CFAP221: variants seen among roughly 807,000 people sequenced by gnomAD.
CFAP221 encodes cilia- and flagella-associated protein 221.
CFAP221 carries 97 observed loss-of-function variants against 113.1 expected under a neutral mutation model. The observed-to-expected ratio is 0.86, with a 90% CI of 0.73 to 1.02. The LOEUF is 1.02. CFAP221 is among the 50% of genes least tolerant of loss of function. CFAP221 has a pLI of 0.00. For missense variants in CFAP221, 1,025 were observed against 1,013.4 expected (o/e 1.01, Z -0.16); for synonymous variants, 331 against 354.4 (o/e 0.93, Z 0.74).
intron 7 of CFAP221, among the ~76,000 whole-genome samples, chr2:119,598,596 G>A (rs1489319452): frequency 6.6e-6 from 1 of 152,182 alleles, no homozygotes; most frequent in Non-Finnish European, 1.5e-5. Flanking sequence ...AGAGCAATTT[G>A]GGGTGGGGGT....
chr2:119,546,701 A>G (rs1391725322), intron 2 of CFAP221, among the ~76,000 whole-genome samples: 2 of 152,140 alleles, frequency 1.3e-5, no homozygotes, highest in African/African-American at 4.8e-5. Flanking sequence ...TCACTGTCTG[A>G]TCTGAACCTG....
At chr2:119,558,507 A>G (rs1455768395) in intron 3 of CFAP221, among the ~76,000 whole-genome samples, 1 of 152,188 alleles carries the variant, frequency 6.6e-6, no homozygotes, top group Non-Finnish European at 1.5e-5. Context: ...TTCACATGTA[A>G]TAAATAAGAA....
intron 16 of CFAP221, 120 bp downstream of exon 16, chr2:119,627,906 A>G: frequency 1.5e-6 from 2 of 1,341,806 alleles, no homozygotes; most frequent in Middle Eastern, 2.8e-4. Flanking sequence ...CTCCAAAGGA[A>G]GATGAGGAGA....
chr2:119,560,104 A>G, intron 5 of CFAP221, 78 bp downstream of exon 5: 1 of 1,151,430 alleles, frequency 8.7e-7, no homozygotes, highest in Non-Finnish European at 1.2e-6. Context: ...TGGTGGCAGA[A>G]AGAGAGGTGG....
At chr2:119,627,151 A>C (rs62159815) in intron 15 of CFAP221, among the ~76,000 whole-genome samples, 10,148 of 152,046 alleles carry the variant, frequency 0.067, 490 homozygotes, top group Non-Finnish European at 0.096. Flanking sequence ...AGCCTGGCTC[A>C]GCCTTCCCCA....
intron 16 of CFAP221, among the ~76,000 whole-genome samples, chr2:119,628,470 TC>T (rs1686533758): frequency 6.6e-6 from 1 of 152,226 alleles, no homozygotes; most frequent in Non-Finnish European, 1.5e-5. Context: ...CTTAAGTCCT[TC>T]CGGTTCATCT....
chr2:119,621,272 G>A (rs1300266940), intron 14 of CFAP221, among the ~76,000 whole-genome samples: 1 of 149,052 alleles, frequency 6.7e-6, no homozygotes, highest in Admixed American at 6.7e-5. Flanking sequence ...TGATAAAACA[G>A]ACTTTAAACC....
intron 3 of CFAP221, among the ~76,000 whole-genome samples, chr2:119,557,867 G>A (rs1450712001): frequency 6.6e-6 from 1 of 151,398 alleles, no homozygotes; most frequent in African/African-American, 2.4e-5. Flanking sequence ...GCTGGGCCAG[G>A]AGAATCACTT....
chr2:119,557,015 C>T (rs1680855440), intron 3 of CFAP221: 1 of 152,184 alleles, frequency 6.6e-6, no homozygotes, highest in South Asian at 2.1e-4. Context: ...TAGGTGCTGG[C>T]TGGATCTCCA....
intron 21 of CFAP221, among the ~76,000 whole-genome samples, chr2:119,646,432 G>A (rs59102166): frequency 0.16 from 24,016 of 152,088 alleles, 2,025 homozygotes; most frequent in African/African-American, 0.22. Flanking sequence ...GGCCAGAGCA[G>A]GAGGAAGAGT....
chr2:119,625,518 G>T, intron 14 of CFAP221, 65 bp from the exon 15 acceptor site: 1 of 1,399,934 alleles, frequency 7.1e-7, no homozygotes, highest in Non-Finnish European at 1.0e-6. Flanking sequence ...AAGTGAATTA[G>T]GTTGAATGCC....
Position 119,615,713 on chromosome 2 carries a change from A to G in CFAP221, c.1410+4A>G. 6.3e-7 allele frequency: 1 copy of G among 1,599,682 alleles called. No individual in the cohort carries two copies. The highest frequency in any genetic ancestry group is 2.2e-5 in the East Asian group (1 of 44,720). ...GTTTCAACAAGTAGCACGCAAGGTA[A>G]GTCTCAGCACCAGCTGGAAATGTTG... On this transcript the variant is annotated splice_donor_region_variant and intron_variant, in intron 14 of 23. Transcript: ENST00000413369.
rs757883284 is a variant in CFAP221 at position 119,638,422 on chromosome 2, T to A, written c.2133+5T>A. ...AAGCAGTTTCTCCATCACACGGTAATGTCATCACCAGGCTCACTGGCAGAG... is the reference window on the plus strand; with the variant it reads ...AAGCAGTTTCTCCATCACACGGTAAAGTCATCACCAGGCTCACTGGCAGAG... On this transcript the variant is annotated splice_donor_5th_base_variant and intron_variant, in intron 20 of 23. Transcript: ENST00000413369. 1.9e-6 allele frequency: 3 copies of A among 1,613,520 alleles called. No homozygotes were observed. The highest frequency in any genetic ancestry group is 2.5e-6 in the Non-Finnish European group (3 of 1,179,490).
At position 119,639,860 on chromosome 2, in the gene CFAP221, A is replaced by G; in HGVS notation, c.2213A>G (p.Glu738Gly). The G allele has an allele frequency of 6.2e-7, 1 of 1,613,818 alleles. No individual in the cohort carries two copies. Among genetic ancestry groups the G allele is most frequent in the Non-Finnish European group, 8.5e-7 (1 of 1,179,696 alleles). The stretch of plus-strand genomic sequence containing the variant: ...TCCCTGCCGGACCCCTCCAAGATGG[A>G]GACCACAAAGAGGTAAGCACAGCTC... Reference protein sequence around the residue: ...LSSLPDPSKMETTKSCDSFNS... With the variant: ...LSSLPDPSKMGTTKSCDSFNS... Residue 738 changes from glutamate (E) to glycine (G), a missense_variant, in exon 21 of 24, where the codon GAG becomes GGG. Glu to Gly is a moderately conservative substitution (Grantham distance 98, BLOSUM62 -2). Transcript: ENST00000413369.
At chr2:119,570,756 A>AATG (rs2104568582) in intron 6 of CFAP221, among the ~76,000 whole-genome samples, 1 of 152,346 alleles carries the variant, frequency 6.6e-6, no homozygotes, top group South Asian at 2.1e-4. Flanking sequence ...AATGGATATA[A>AATG]CACATTTTAT....
chr2:119,590,943 G>T (rs879876060), intron 7 of CFAP221, among the ~76,000 whole-genome samples: 2 of 152,128 alleles, frequency 1.3e-5, no homozygotes, highest in African/African-American at 4.8e-5. Flanking sequence ...CACAGCGCAG[G>T]CCCCCATAAA....
chr2:119,581,829 C>CCAAG (rs1263327014), intron 6 of CFAP221, among the ~76,000 whole-genome samples: 2 of 151,966 alleles, frequency 1.3e-5, no homozygotes, highest in African/African-American at 4.8e-5. Flanking sequence ...CTCTGGGAGG[C>CCAAG]CAAGGCAGGA....
At chr2:119,554,448 T>A (rs1053187006) in intron 3 of CFAP221, among the ~76,000 whole-genome samples, 1 of 152,248 alleles carries the variant, frequency 6.6e-6, no homozygotes, top group Non-Finnish European at 1.5e-5. Flanking sequence ...AAATAATCCA[T>A]CAATTTTCCT....
At chr2:119,635,763 G>A (rs544430306) in intron 19 of CFAP221, among the ~76,000 whole-genome samples, 61 of 152,256 alleles carry the variant, frequency 4.0e-4, no homozygotes, top group African/African-American at 9.6e-4. Context: ...GGTTACAACC[G>A]GTGAAGCATT....
Sources: allele counts gnomAD v4.1 joint callset (sites outside exome capture counted in the v4.1 genomes callset), GRCh38; gene constraint gnomAD v4.1.1; transcripts MANE v1.5; gene names NCBI Gene and HGNC (gene_info 2026-07-23, HGNC 2026-07-21).